The following SLC18A1 variants were observed in gnomAD, a reference collection of about 807,000 sequenced individuals.
The protein encoded by SLC18A1 is chromaffin granule amine transporter.
SLC18A1 carries 69 observed loss-of-function variants against 53.7 expected under a neutral mutation model. That is an observed-to-expected ratio of 1.28 (90% CI 1.06 to 1.57). SLC18A1 has a LOEUF of 1.57. SLC18A1 is among the 40% of genes most tolerant of loss of function. The pLI is 0.00. For synonymous variants in SLC18A1, 320 were observed against 248.1 expected (o/e 1.29, Z -2.72); for missense variants, 932 against 668.1 (o/e 1.40, Z -4.35).
In SLC18A1 at chr8:20,179,358, AAGG is replaced by A; in HGVS notation, c.248_250del (p.Ser83del). 6.2e-7 allele frequency: 1 copy of A among 1,614,180 alleles called. No individual in the cohort carries two copies. Among genetic ancestry groups the A allele is most frequent in the Non-Finnish European group, 8.5e-7 (1 of 1,180,050 alleles). ...AACAGCCACGGTGTTGTTGTTGAAGAAGGAGAAGATGGTGGAAAAGGCAGGAGA... is the reference window on the plus strand; with the variant it reads ...AACAGCCACGGTGTTGTTGTTGAAGAAGAAGATGGTGGAAAAGGCAGGAGA... On this transcript the variant is annotated inframe_deletion, in exon 3 of 16. Transcript: ENST00000276373.
chr8:20,160,872 AG>A (rs2071813454), intron 10 of SLC18A1, among the ~76,000 whole-genome samples: 1 of 152,074 alleles, frequency 6.6e-6, no homozygotes, highest in Non-Finnish European at 1.5e-5. Flanking sequence ...ACATGGAGAA[AG>A]GGCATTTGAG....
intron 2 of SLC18A1, 129 bp from the exon 3 acceptor site, chr8:20,179,613 C>T (rs1585229909): frequency 8.1e-7 from 1 of 1,230,828 alleles, no homozygotes; most frequent in Admixed American, 2.2e-5. Flanking sequence ...GGGCTAAGGA[C>T]AGATGTCATC....
intron 14 of SLC18A1, 66 bp downstream of exon 14, chr8:20,147,537 T>G: frequency 6.2e-7 from 1 of 1,604,852 alleles, no homozygotes; most frequent in Non-Finnish European, 8.5e-7. Flanking sequence ...GATAGCTTCC[T>G]GGCTGCACTT....
intron 5 of SLC18A1, 108 bp downstream of exon 5, chr8:20,174,253 G>C (rs2072199414): frequency 2.4e-6 from 2 of 847,298 alleles, no homozygotes; most frequent in African/African-American, 1.7e-5. Context: ...ACCTATCCAG[G>C]TGACATTTTC....
intron 10 of SLC18A1, among the ~76,000 whole-genome samples, chr8:20,162,683 C>A (rs1163880013): frequency 6.6e-6 from 1 of 152,184 alleles, no homozygotes; most frequent in Non-Finnish European, 1.5e-5. Flanking sequence ...TGTCCAATAC[C>A]TTGTTCCTCA....
Position 20,179,133 on chromosome 8 carries a change from G to A in SLC18A1, c.476C>T (p.Pro159Leu). 1 of 1,611,212 alleles carries A rather than the reference G, an allele frequency of 6.2e-7. No individual in the cohort carries two copies. Among genetic ancestry groups the A allele is most frequent in the African/African-American group, 1.3e-5 (1 of 75,000 alleles). ...CCCAGTGAGATACCTGTTGGTGAGA[G>A]GGCCCACGAATGGGTTGACCAGAAG... ...MQLLVNPFVG[P>L]LTNRIGYHIP... The change falls in exon 3 of 16, where the codon CCT becomes CTT. Residue 159 changes from proline (P) to leucine (L), a missense_variant. By Grantham distance (98) the Pro-to-Leu change is moderately conservative. Coordinates refer to ENST00000276373, the MANE Select transcript of SLC18A1 (RefSeq NM_003053.4).
intron 2 of SLC18A1, 76 bp downstream of exon 2, chr8:20,180,765 G>A: frequency 6.4e-7 from 1 of 1,562,922 alleles, no homozygotes; most frequent in Non-Finnish European, 8.7e-7. Context: ...ATTCACTGTT[G>A]AACTCAAGCA....
At chr8:20,156,561 T>C (rs1009494813) in intron 10 of SLC18A1, among the ~76,000 whole-genome samples, 37 of 152,286 alleles carry the variant, frequency 2.4e-4, no homozygotes, top group African/African-American at 7.9e-4. Flanking sequence ...TGCCTAATAA[T>C]TGGTCTGCTC....
chr8:20,153,639 C>T (rs2071614413), intron 10 of SLC18A1, among the ~76,000 whole-genome samples: 1 of 150,584 alleles, frequency 6.6e-6, no homozygotes, highest in Non-Finnish European at 1.5e-5. Context: ...TGCACTCCAG[C>T]CTGGGCGACA....
rs757440075 is a variant in SLC18A1, at chr8:20,148,033, G to A, written c.1184C>T (p.Pro395Leu). 6.2e-7 allele frequency: 1 copy of A among 1,614,052 alleles called. No homozygotes were observed. Among genetic ancestry groups the A allele is most frequent in the Non-Finnish European group, 8.5e-7 (1 of 1,180,000 alleles). The change falls in exon 13 of 16, where the codon CCC (proline) becomes CTC (leucine). Residue 395 changes from proline to leucine, a missense_variant. Pro to Leu is a moderately conservative substitution (Grantham distance 98). Transcript: ENST00000276373. Reference protein sequence around the residue: ...LAHNIFGLIGPNAGLGLAIGM... With the variant: ...LAHNIFGLIGLNAGLGLAIGM... ...TATGGCAAGGCCAAGCCCTGCATTG[G>A]GGCCAATGAGACCAAAAATATTGTG... is the stretch of plus-strand genomic sequence containing the variant.
intron 6 of SLC18A1, 85 bp from the exon 7 acceptor site, chr8:20,171,579 T>C (rs1294910675): frequency 9.3e-7 from 1 of 1,080,700 alleles, no homozygotes; most frequent in African/African-American, 1.5e-5. Flanking sequence ...CCGTGAGCAT[T>C]TGCAGAAGGC....
At position 20,164,889 on chromosome 8, in the gene SLC18A1, C is replaced by A. The variant is rs1312428847; in HGVS notation, c.995G>T (p.Cys332Phe). The change falls in exon 10 of 16, where the codon TGC becomes TTC. Residue 332 changes from cysteine (C) to phenylalanine (F), a missense_variant. Cys to Phe is a radical substitution (Grantham distance 205, BLOSUM62 -2). Coordinates refer to ENST00000276373, the MANE Select transcript of SLC18A1 (RefSeq NM_003053.4). The stretch of plus-strand genomic sequence containing the variant: ...CTTACCCAGCTGCCACTTGGGGGAG[C>A]ACATGGTCTGCATCATCCAGATGGG... ...TLPIWMMQTM[C>F]SPKWQLGLAF... 8 of 1,611,410 alleles carry A rather than the reference C, an allele frequency of 5.0e-6. No homozygotes were observed. Among genetic ancestry groups the A allele is most frequent in the Non-Finnish European group, 5.9e-6 (7 of 1,177,824 alleles).
intron 7 of SLC18A1, 98 bp downstream of exon 7, chr8:20,171,307 C>T: frequency 7.5e-7 from 1 of 1,327,728 alleles, no homozygotes; most frequent in Non-Finnish European, 1.1e-6. Context: ...CAAAACATGT[C>T]CAAACCGCCC....
chr8:20,167,872 C>T lies in SLC18A1; in HGVS notation c.859-2765G>A, dbSNP rs188384038. ...TCCTGACCTCATGATCCGCCTGCCT[C>T]GGCCTCCCAAACTGCTGGGATTACA... On this transcript the variant is annotated intron_variant, in intron 8 of 15. Coordinates refer to ENST00000276373, the MANE Select transcript of SLC18A1 (RefSeq NM_003053.4). Among the ~76,000 whole-genome samples the T allele has an allele frequency of 4.1e-3, 626 of 152,038 alleles. 14 individuals carry two copies. The highest frequency in any genetic ancestry group is 0.014 in the African/African-American group (573 of 41,416).
chr8:20,153,015 G>A (rs994449052), intron 10 of SLC18A1, among the ~76,000 whole-genome samples: 1 of 152,170 alleles, frequency 6.6e-6, no homozygotes. Context: ...CAATGAGTAG[G>A]AGGCAAAGTC....
At chr8:20,164,837 A>C (rs781604557) in intron 10 of SLC18A1, 32 bp downstream of exon 10, 102 of 1,541,708 alleles carry the variant, frequency 6.6e-5, no homozygotes, top group Non-Finnish European at 8.3e-5. Context: ...TCCTCCTGCC[A>C]GGCCCTGAGC....
chr8:20,171,293 C>T (rs774629019), intron 7 of SLC18A1, 112 bp downstream of exon 7: 2 of 1,302,454 alleles, frequency 1.5e-6, no homozygotes, highest in Non-Finnish European at 2.2e-6. Context: ...AGTCCTTGAT[C>T]CATCAAAACA....
chr8:20,166,130 A>G (rs1460782202), intron 8 of SLC18A1, among the ~76,000 whole-genome samples: 1 of 151,894 alleles, frequency 6.6e-6, no homozygotes, highest in Non-Finnish European at 1.5e-5. Context: ...AATTGACTCT[A>G]AAGATTAATG....
chr8:20,172,359 C>T (rs528274665), intron 6 of SLC18A1, among the ~76,000 whole-genome samples: 3 of 152,200 alleles, frequency 2.0e-5, no homozygotes, highest in African/African-American at 4.8e-5. Flanking sequence ...GGGCATAGGC[C>T]GGGGAAGAAA....
Sources: gnomAD v4.1 joint callset for allele counts (sites outside exome capture counted in the v4.1 genomes callset) on GRCh38, gnomAD v4.1.1 for gene constraint, MANE v1.5 for transcripts, NCBI Gene and HGNC (gene_info 2026-07-23, HGNC 2026-07-21) for gene names.